FOXN3: variants seen among roughly 807,000 people sequenced by gnomAD.
FOXN3 encodes the protein forkhead box N3.
Under a neutral mutation model 38.4 loss-of-function variants are expected in FOXN3, and 7 were observed. That is an observed-to-expected ratio of 0.18 (90% CI 0.10 to 0.34). The LOEUF (loss-of-function observed/expected upper bound fraction) is 0.34, where lower values mean the gene tolerates loss of function less well. Among genes scored for constraint, FOXN3 ranks in the 10% least tolerant of loss-of-function variants. The pLI is 1.00. For synonymous variants in FOXN3, 230 were observed against 242.2 expected (o/e 0.95, Z 0.47); for missense variants, 456 against 613.4 (o/e 0.74, Z 2.71).
rs17125899 is a variant in FOXN3 at position 89,465,718 on chromosome 14, A to G, written c.-14-53228T>C. On this transcript the variant is annotated intron_variant, in intron 1 of 6. Transcript: ENST00000345097. ...ACTTGAGCTATTTATCATTTCAGGT[A>G]CTGAGAGGCTATGTTACATCCTCTC... Among the ~76,000 whole-genome samples the G allele has an allele frequency of 7.0e-3, 1,059 of 152,300 alleles. 6 individuals are homozygous for G. The highest frequency in any genetic ancestry group is 0.012 in the Non-Finnish European group (831 of 68,014).
chr14:89,255,228 A>T (rs1885579721), intron 4 of FOXN3, among the ~76,000 whole-genome samples: 1 of 152,238 alleles, frequency 6.6e-6, no homozygotes, highest in South Asian at 2.1e-4. Flanking sequence ...AACACCAGCC[A>T]TGAGCCCACG....
In FOXN3 at chr14:89,579,327, G is replaced by GT. The variant is rs373103616; in HGVS notation, c.-15+39700dup. Among the ~76,000 whole-genome samples, 556 of 145,864 alleles carry GT rather than the reference G, an allele frequency of 3.8e-3. 4 individuals are homozygous for GT. The highest frequency in any genetic ancestry group is 0.013 in the African/African-American group (501 of 39,376). ...CATCACGCCTGGCTAATTTATTTAT[G>GT]TTTTTTTTTGTAGAGACGGGGTCTC... On this transcript the variant is annotated intron_variant, in intron 1 of 6. Coordinates refer to the FOXN3 transcript ENST00000345097.
intron 1 of FOXN3, among the ~76,000 whole-genome samples, chr14:89,456,818 G>A (rs1218600192): frequency 6.6e-6 from 1 of 152,174 alleles, no homozygotes; most frequent in Non-Finnish European, 1.5e-5. Flanking sequence ...GAGCTGAGAA[G>A]CCAGTCAGAG....
intron 4 of FOXN3, among the ~76,000 whole-genome samples, chr14:89,183,661 G>A (rs1373562439): frequency 6.8e-6 from 1 of 146,208 alleles, no homozygotes; most frequent in Non-Finnish European, 1.5e-5. Context: ...CAAAGACCTG[G>A]AAGTGATTTT....
intron 2 of FOXN3, among the ~76,000 whole-genome samples, chr14:89,357,423 A>G (rs913158000): frequency 1.3e-5 from 2 of 152,200 alleles, no homozygotes; most frequent in African/African-American, 4.8e-5. Context: ...CCTGGCCAAC[A>G]TGGTGAGACA....
At chr14:89,192,085 A>G (rs1184937567) in intron 4 of FOXN3, among the ~76,000 whole-genome samples, 1 of 146,686 alleles carries the variant, frequency 6.8e-6, no homozygotes, top group East Asian at 1.9e-4. Context: ...ATTATATATA[A>G]TAGTATATAT....
At chr14:89,600,978 C>T (rs560718883) in intron 1 of FOXN3, among the ~76,000 whole-genome samples, 3 of 152,298 alleles carry the variant, frequency 2.0e-5, no homozygotes, top group African/African-American at 7.2e-5. Flanking sequence ...AAGCAAACAA[C>T]ATAATAAGTA....
intron 1 of FOXN3, among the ~76,000 whole-genome samples, chr14:89,544,771 TGG>T (rs1894854168): frequency 6.6e-6 from 1 of 152,094 alleles, no homozygotes; most frequent in Non-Finnish European, 1.5e-5. Flanking sequence ...GACTTACAGA[TGG>T]GTAGTATATA....
chr14:89,447,523 C>A (rs367911272), intron 1 of FOXN3, among the ~76,000 whole-genome samples: 26 of 152,222 alleles, frequency 1.7e-4, no homozygotes, highest in African/African-American at 6.3e-4. Context: ...TTTCACCAGC[C>A]CTCCCTCTGA....
chr14:89,565,437 A>G (rs150068493), intron 1 of FOXN3, among the ~76,000 whole-genome samples: 2,283 of 152,296 alleles, frequency 0.015, 34 homozygotes, highest in Non-Finnish European at 0.019. Context: ...AAGAGGTAGG[A>G]CAGAAAAGAA....
chr14:89,337,988 C>A (rs981215679), intron 3 of FOXN3, among the ~76,000 whole-genome samples: 1 of 152,266 alleles, frequency 6.6e-6, no homozygotes, highest in East Asian at 1.9e-4. Context: ...ATATTTGGTG[C>A]CTTGGAGTCA....
chr14:89,360,694 CAGCTACCACCACCTCCAG>C (rs1889450146), intron 2 of FOXN3, among the ~76,000 whole-genome samples: 1 of 151,588 alleles, frequency 6.6e-6, no homozygotes, highest in Non-Finnish European at 1.5e-5. Flanking sequence ...AACTCATCCT[CAGCTACCACCACCTCCAG>C]CACTACCTCC....
intron 1 of FOXN3, among the ~76,000 whole-genome samples, chr14:89,444,830 T>C (rs2139701126): frequency 6.6e-6 from 1 of 152,246 alleles, no homozygotes; most frequent in Admixed American, 6.5e-5. Flanking sequence ...ATTTAAAATG[T>C]TGCTTCAAGG....
In FOXN3 at chr14:89,415,722, G is replaced by GA. The variant is rs1281537459; in HGVS notation, c.-15+1148dup. Among the ~76,000 whole-genome samples, 708 of 148,628 alleles carry GA rather than the reference G, an allele frequency of 4.8e-3. 7 individuals carry two copies. Among genetic ancestry groups the GA allele is most frequent in the African/African-American group, 0.016 (654 of 40,292 alleles). ...TCTTTTTTTCCTCCTGTTTCAGAGG[G>GA]AAAAAAAAAGAATCTGGATCATGTG... On this transcript the variant is annotated intron_variant, in intron 1 of 5. Coordinates refer to ENST00000557258, the MANE Select transcript of FOXN3 (RefSeq NM_005197.4).
chr14:89,568,851 G>C (rs1295826863), intron 1 of FOXN3, among the ~76,000 whole-genome samples: 3 of 152,222 alleles, frequency 2.0e-5, no homozygotes, highest in Non-Finnish European at 4.4e-5. Flanking sequence ...ACATGGTTTG[G>C]ATCATGGATG....
At chr14:89,252,089 T>G (rs976229889) in intron 4 of FOXN3, among the ~76,000 whole-genome samples, 2 of 152,230 alleles carry the variant, frequency 1.3e-5, no homozygotes, top group African/African-American at 4.8e-5. Flanking sequence ...TAAATGATCA[T>G]CTTTCATTCT....
At chr14:89,276,793 G>A (rs1460712835) in intron 4 of FOXN3, among the ~76,000 whole-genome samples, 1 of 152,238 alleles carries the variant, frequency 6.6e-6, no homozygotes, top group African/African-American at 2.4e-5. Context: ...TGGTCAGGCA[G>A]TAGCTCCTCT....
chr14:89,548,156 A>C lies in FOXN3; in HGVS notation c.-15+70872T>G, dbSNP rs1030488467. 1.3e-5 allele frequency among the ~76,000 whole-genome samples: 2 copies of C among 152,198 alleles called. No individual in the cohort carries two copies. Among genetic ancestry groups the C allele is most frequent in the Non-Finnish European group, 2.9e-5 (2 of 68,026 alleles). On this transcript the variant is annotated intron_variant, in intron 1 of 6. Transcript: ENST00000345097. The surrounding 1 kb of genome is among the most constrained non-coding windows in gnomAD (Gnocchi z 4.8). ...TTTTTAAACACAGCTTTGGGACAAG[A>C]AACACCCCATTCACTTAGAGTAAAA...
At chr14:89,200,629 C>T (rs1330324151) in intron 4 of FOXN3, among the ~76,000 whole-genome samples, 2 of 152,212 alleles carry the variant, frequency 1.3e-5, no homozygotes, top group African/African-American at 2.4e-5. Context: ...CAACAAGAAC[C>T]GCTTTAACTT....
Sources: allele counts gnomAD v4.1 joint callset (sites outside exome capture counted in the v4.1 genomes callset), GRCh38; gene constraint gnomAD v4.1.1; non-coding constraint Gnocchi (gnomAD v3.1); transcripts MANE v1.5; gene names NCBI Gene and HGNC (gene_info 2026-07-23, HGNC 2026-07-21).